The following ZFP64 variants were observed in gnomAD, a reference collection of about 807,000 sequenced individuals.
The protein encoded by ZFP64 is ZFP64 zinc finger protein.
In ZFP64, 14 loss-of-function variants were observed where a neutral mutation model predicts 51.6. The ratio of observed to expected loss-of-function variants is 0.27; its 90% CI spans 0.18 to 0.42. The LOEUF is 0.42. Ranked by LOEUF, ZFP64 falls within the 10% of genes least tolerant of loss-of-function variation. ZFP64 has a pLI of 1.00. For missense variants in ZFP64, 754 were observed against 906.8 expected (o/e 0.83, Z 2.16); for synonymous variants, 375 against 361.4 (o/e 1.04, Z -0.43).
chr20:52,166,027 T>A lies in ZFP64; in HGVS notation c.287-2A>T. 1 of 1,606,176 alleles carries A rather than the reference T, an allele frequency of 6.2e-7. No homozygotes were observed. The highest frequency in any genetic ancestry group is 8.5e-7 in the Non-Finnish European group (1 of 1,177,960). On this transcript the variant is annotated splice_acceptor_variant, in intron 2 of 5. Coordinates refer to ENST00000216923, the MANE Select transcript of ZFP64 (RefSeq NM_018197.3). LOFTEE classifies it high-confidence loss of function. ...CAAAAACAAATTCTGGAGCTGAAACTAAAAGATATGGTGATTATTAATTTT... is the reference window on the plus strand; with the variant it reads ...CAAAAACAAATTCTGGAGCTGAAACAAAAAGATATGGTGATTATTAATTTT...
chr20:52,190,585 T>G (rs1984298436), intron 1 of ZFP64, among the ~76,000 whole-genome samples: 1 of 152,164 alleles, frequency 6.6e-6, no homozygotes, highest in Non-Finnish European at 1.5e-5. Flanking sequence ...GCTGGGTTCT[T>G]ACTGAGGTAC....
At chr20:52,105,442 C>T in intron 5 of ZFP64, 1 of 1,142,956 alleles carries the variant, frequency 8.7e-7, no homozygotes, top group Non-Finnish European at 1.1e-6. Flanking sequence ...GACTTGCGGT[C>T]CGCTCCCGGG....
chr20:52,172,207 GT>G (rs1982804566), intron 2 of ZFP64, among the ~76,000 whole-genome samples: 1 of 146,644 alleles, frequency 6.8e-6, no homozygotes, highest in South Asian at 2.2e-4. Context: ...GTGTGTTGGT[GT>G]GTGTGTGTGT....
At chr20:52,101,566 GTAT>G (rs879391595) in intron 5 of ZFP64, among the ~76,000 whole-genome samples, 7 of 151,832 alleles carry the variant, frequency 4.6e-5, no homozygotes, top group Non-Finnish European at 1.0e-4. Flanking sequence ...TTGTAGTTTT[GTAT>G]TTTTTGTAGT....
chr20:52,131,490 C>T (rs1040913658), intron 5 of ZFP64, among the ~76,000 whole-genome samples: 1 of 152,076 alleles, frequency 6.6e-6, no homozygotes, highest in African/African-American at 2.4e-5. Context: ...CACACTTCCC[C>T]TAAACACACA....
At chr20:52,179,966 G>C (rs1454729983) in intron 2 of ZFP64, among the ~76,000 whole-genome samples, 1 of 152,228 alleles carries the variant, frequency 6.6e-6, no homozygotes, top group African/African-American at 2.4e-5. Flanking sequence ...TAACAGAGGG[G>C]AGGAGGATGT....
intron 5 of ZFP64, among the ~76,000 whole-genome samples, chr20:52,134,480 T>A (rs1979875650): frequency 6.6e-6 from 1 of 152,222 alleles, no homozygotes; most frequent in Admixed American, 6.5e-5. Context: ...CAAGTGTCAT[T>A]GTGACTTAAG....
At chr20:52,154,790 A>T (rs1600765025) in intron 5 of ZFP64, among the ~76,000 whole-genome samples, 1 of 152,190 alleles carries the variant, frequency 6.6e-6, no homozygotes, top group East Asian at 1.9e-4. Flanking sequence ...AGTTTTACTG[A>T]AACACAACCA....
chr20:52,140,411 C>T (rs901828598), intron 5 of ZFP64, among the ~76,000 whole-genome samples: 1 of 152,194 alleles, frequency 6.6e-6, no homozygotes, highest in East Asian at 1.9e-4. Flanking sequence ...ATTAAAAGTG[C>T]TATTCCAGTG....
At chr20:52,177,798 T>C (rs778096049) in intron 2 of ZFP64, among the ~76,000 whole-genome samples, 12 of 152,106 alleles carry the variant, frequency 7.9e-5, no homozygotes, top group Non-Finnish European at 1.5e-5. Context: ...TTTGGGAGGC[T>C]GAGGCGGGCA....
intron 5 of ZFP64, among the ~76,000 whole-genome samples, chr20:52,128,646 T>C (rs528754355): frequency 6.6e-5 from 10 of 152,214 alleles, no homozygotes; most frequent in Non-Finnish European, 1.5e-4. Flanking sequence ...AATTCTATAC[T>C]GCCTTGTGTT....
chr20:52,187,056 G>A lies in ZFP64; in HGVS notation c.62C>T (p.Thr21Met), dbSNP rs146264045. 319 of 1,607,994 alleles carry A rather than the reference G, an allele frequency of 2.0e-4. No homozygotes were observed. Among genetic ancestry groups the A allele is most frequent in the Non-Finnish European group, 2.6e-4 (307 of 1,175,132 alleles). ...AGSVQIPGGT[T>M]VLVELTPDIH... Reference sequence around the variant, plus strand: ...GTCGGGAGTCAGCTCCACCAGCACCGTTGTGCCACCTGGAACTCCATGGGA... The same window carrying A: ...GTCGGGAGTCAGCTCCACCAGCACCATTGTGCCACCTGGAACTCCATGGGA... Residue 21 changes from threonine to methionine, a missense_variant, in exon 2 of 6, where the codon ACG (threonine) becomes ATG (methionine). Thr to Met is a moderately conservative substitution (Grantham distance 81). Coordinates refer to ENST00000216923, the MANE Select transcript of ZFP64 (RefSeq NM_018197.3).
intron 2 of ZFP64, among the ~76,000 whole-genome samples, chr20:52,178,665 G>A (rs564850763): frequency 2.0e-5 from 3 of 152,068 alleles, no homozygotes; most frequent in East Asian, 3.9e-4. Context: ...TTCAAATCTT[G>A]CCCTGAGCTT....
intron 2 of ZFP64, among the ~76,000 whole-genome samples, chr20:52,177,890 G>C (rs1983347636): frequency 6.6e-6 from 1 of 151,952 alleles, no homozygotes; most frequent in African/African-American, 2.4e-5. Context: ...AAATTAGCTG[G>C]GTGTGGCAGT....
At chr20:52,165,188 T>C (rs922813214) in intron 3 of ZFP64, 9 of 457,348 alleles carry the variant, frequency 2.0e-5, no homozygotes, top group Admixed American at 1.9e-4. Context: ...AGGACATCGG[T>C]GGGACACTTG....
At position 52,160,029 on chromosome 20, in the gene ZFP64, G is replaced by T. The variant is rs780955949; in HGVS notation, c.763+94C>A. ...ACGGGATGAGCAAAGGTTCCAACTC[G>T]ATTTCTTACATTGTGGCTGAATGCT... is the stretch of plus-strand genomic sequence containing the variant. On this transcript the variant is annotated intron_variant, in intron 5 of 5. Coordinates refer to ENST00000216923, the MANE Select transcript of ZFP64 (RefSeq NM_018197.3). The surrounding 1 kb of genome is among the most constrained non-coding windows in gnomAD (Gnocchi z 4.2). 3.8e-6 allele frequency: 6 copies of T among 1,568,564 alleles called. No individual in the cohort carries two copies. In the East Asian group the frequency reaches 1.1e-4, roughly 29 times the overall value.
chr20:52,191,478 A>C lies in ZFP64; in HGVS notation c.46+113T>G. On this transcript the variant is annotated intron_variant, in intron 1 of 5. Coordinates refer to ENST00000216923, the MANE Select transcript of ZFP64 (RefSeq NM_018197.3). This position sits in a 1 kb window ranked among gnomAD's most constrained non-coding sequence, Gnocchi z 4.3. ...CCCCGAGACGCGGCTCCGAGCCGTC[A>C]CCCCGATTTCGGGGCCCCGGGCCTG... 2.3e-6 allele frequency: 3 copies of C among 1,278,072 alleles called. No homozygotes were observed. The highest frequency in any genetic ancestry group is 3.0e-6 in the Non-Finnish European group (3 of 992,732). 79.2% of individuals were successfully genotyped at this position (1,278,072 alleles called of 1,614,324 possible). A position where few individuals can be genotyped will look rare whatever the true frequency, so the allele number is the denominator to read the frequency against.
rs185696100 is a variant in ZFP64 at position 52,120,174 on chromosome 20, C to T, written c.764-21587G>A. On this transcript the variant is annotated intron_variant, in intron 5 of 8. Coordinates refer to the ZFP64 transcript ENST00000361387. ...AGAAAGTGGGGTCCTTGCCAGACACCGAATCTGCCAGTGCCTTGATCTTGG... is the reference window on the plus strand; with the variant it reads ...AGAAAGTGGGGTCCTTGCCAGACACTGAATCTGCCAGTGCCTTGATCTTGG... 3.6e-3 allele frequency among the ~76,000 whole-genome samples: 543 copies of T among 152,228 alleles called. 3 individuals are homozygous for T. Among genetic ancestry groups the T allele is most frequent in the African/African-American group, 0.013 (520 of 41,540 alleles).
chr20:52,101,649 C>CT lies in ZFP64; in HGVS notation c.764-3063dup, dbSNP rs1208985390. ...TCTCAAACTCCTGAGCTCGAGCAATCTGCCCACCTTAACCACTCAAAAGTG... is the reference window on the plus strand; with the variant it reads ...TCTCAAACTCCTGAGCTCGAGCAATCTTGCCCACCTTAACCACTCAAAAGTG... On this transcript the variant is annotated intron_variant, in intron 5 of 8. Coordinates refer to the ZFP64 transcript ENST00000361387. Among the ~76,000 whole-genome samples, 4 of 152,226 alleles carry CT rather than the reference C, an allele frequency of 2.6e-5. No homozygotes were observed. The East Asian group carries it at 7.7e-4, about 29-fold the overall frequency.
Sources: gnomAD v4.1 joint callset for allele counts (sites outside exome capture counted in the v4.1 genomes callset) on GRCh38, gnomAD v4.1.1 for gene constraint, Gnocchi (gnomAD v3.1) non-coding constraint, MANE v1.5 for transcripts, NCBI Gene and HGNC (gene_info 2026-07-23, HGNC 2026-07-21) for gene names.